Variants in TPST1 observed in about 807,000 individuals in gnomAD.
TPST1 encodes the protein protein-tyrosine sulfotransferase 1.
TPST1 carries 20 observed loss-of-function variants against 34.8 expected under a neutral mutation model. The observed-to-expected ratio is 0.57, with a 90% CI of 0.40 to 0.84. The LOEUF is 0.84. Ranked by LOEUF, TPST1 falls within the 40% of genes least tolerant of loss-of-function variation. TPST1 has a pLI of 0.00. For missense variants in TPST1, 353 were observed against 455.5 expected, an observed-to-expected ratio of 0.78 and a Z score of 2.05; for synonymous variants, 152 against 159.4, an observed-to-expected ratio of 0.95 and a Z score of 0.35.
At chr7:66,318,588 T>G (rs1283499309) in intron 3 of TPST1, among the ~76,000 whole-genome samples, 1 of 152,082 alleles carries the variant, frequency 6.6e-6, no homozygotes, top group Non-Finnish European at 1.5e-5. Flanking sequence ...TGCCTCAGCC[T>G]CCCGAGTAGC....
At chr7:66,247,242 AC>A (rs1382725698) in intron 2 of TPST1, among the ~76,000 whole-genome samples, 1 of 152,212 alleles carries the variant, frequency 6.6e-6, no homozygotes, top group Non-Finnish European at 1.5e-5. Flanking sequence ...AGCCTGACCA[AC>A]ATGGTGAAAC....
chr7:66,334,544 G>A (rs1792056229), intron 3 of TPST1, among the ~76,000 whole-genome samples: 1 of 148,810 alleles, frequency 6.7e-6, no homozygotes, highest in Non-Finnish European at 1.5e-5. Context: ...GCTGAGACAG[G>A]AGAATTGCTT....
Position 66,326,952 on chromosome 7 carries a change from A to G in TPST1, c.1045-25553A>G, listed in dbSNP as rs117998202. Among the ~76,000 whole-genome samples, 499 of 152,346 alleles carry G rather than the reference A, an allele frequency of 3.3e-3. 2 individuals are homozygous for G. Among genetic ancestry groups the G allele is most frequent in the Non-Finnish European group, 6.1e-3 (413 of 68,044 alleles). ...GAGTCTGAGATTTGCAAAGCTGCCA[A>G]AATATTTTGAAACAAATGAAAATAT... is the stretch of plus-strand genomic sequence containing the variant. On this transcript the variant is annotated intron_variant, in intron 3 of 5. Transcript: ENST00000304842.
intron 2 of TPST1, among the ~76,000 whole-genome samples, chr7:66,268,843 C>G (rs183118315): frequency 1.5e-4 from 23 of 152,228 alleles, no homozygotes; most frequent in Non-Finnish European, 2.8e-4. Flanking sequence ...CACGCGCCAC[C>G]ACGCCTAGCT....
At chr7:66,352,649 A>G in intron 4 of TPST1, 94 bp downstream of exon 4, 1 of 1,562,902 alleles carries the variant, frequency 6.4e-7, no homozygotes, top group Admixed American at 2.2e-5. Context: ...AAAAGACAGA[A>G]ACAAGAAAAC....
At chr7:66,285,195 A>G (rs1227858969) in intron 2 of TPST1, among the ~76,000 whole-genome samples, 1 of 152,206 alleles carries the variant, frequency 6.6e-6, no homozygotes, top group African/African-American at 2.4e-5. Context: ...CAATACATAT[A>G]TAACATCCTC....
chr7:66,263,434 C>T (rs185900208), intron 2 of TPST1, among the ~76,000 whole-genome samples: 5 of 152,260 alleles, frequency 3.3e-5, no homozygotes, highest in Admixed American at 2.0e-4. Flanking sequence ...ATACTAGTCT[C>T]TGTAACACAT....
intron 1 of TPST1, among the ~76,000 whole-genome samples, chr7:66,227,850 ATTTAG>A (rs542761910): frequency 7.2e-5 from 11 of 152,190 alleles, no homozygotes; most frequent in Non-Finnish European, 1.6e-4. Flanking sequence ...CTCTTCTAAA[ATTTAG>A]TTTAAGAAAA....
Position 66,205,560 on chromosome 7 carries a change from C to G in TPST1, c.-102+38C>G, listed in dbSNP as rs1789109166. 6.6e-6 allele frequency: 1 copy of G among 152,536 alleles called. No homozygotes were observed. The highest frequency in any genetic ancestry group is 1.5e-5 in the Non-Finnish European group (1 of 68,368). 9.4% of individuals were successfully genotyped at this position (152,536 alleles called of 1,614,324 possible). On this transcript the variant is annotated intron_variant, in intron 1 of 5. Transcript: ENST00000304842. This position sits in a 1 kb window ranked among gnomAD's most constrained non-coding sequence, Gnocchi z 5.0. ...CGGCGCTCGCTGCGGCTCCGCTCCCCTCTCGTCTCCTCACACCCGGCCCTG... is the reference window on the plus strand; with the variant it reads ...CGGCGCTCGCTGCGGCTCCGCTCCCGTCTCGTCTCCTCACACCCGGCCCTG...
At chr7:66,324,223 G>C (rs551919347) in intron 3 of TPST1, among the ~76,000 whole-genome samples, 5 of 152,280 alleles carry the variant, frequency 3.3e-5, no homozygotes, top group African/African-American at 1.2e-4. Flanking sequence ...ATAGAAAGTA[G>C]AATGGAGGTT....
At chr7:66,212,767 A>G (rs965353608) in intron 1 of TPST1, among the ~76,000 whole-genome samples, 7 of 151,544 alleles carry the variant, frequency 4.6e-5, no homozygotes, top group Non-Finnish European at 8.8e-5. Flanking sequence ...TGCATTTTCT[A>G]TTTTCTGATT....
intron 1 of TPST1, among the ~76,000 whole-genome samples, chr7:66,206,939 C>G (rs1385913579): frequency 1.3e-5 from 2 of 152,108 alleles, no homozygotes; most frequent in Admixed American, 1.3e-4. Flanking sequence ...TCTCCCTCCC[C>G]CTCTCCAAAC....
At chr7:66,298,498 TTACTTTTAATCTG>T (rs1023358737) in intron 3 of TPST1, among the ~76,000 whole-genome samples, 1 of 152,348 alleles carries the variant, frequency 6.6e-6, no homozygotes, top group Middle Eastern at 3.4e-3. Flanking sequence ...CCCGATTCTT[TTACTTTTAATCTG>T]TGTCTTTATA....
intron 3 of TPST1, among the ~76,000 whole-genome samples, chr7:66,331,004 G>C (rs576109830): frequency 6.6e-6 from 1 of 152,214 alleles, no homozygotes; most frequent in Non-Finnish European, 1.5e-5. Context: ...TGAAGTTGCA[G>C]TCAAGCTGTC....
chr7:66,305,220 G>A lies in TPST1; in HGVS notation c.1044+18511G>A, dbSNP rs576581053. Among the ~76,000 whole-genome samples the A allele has an allele frequency of 3.9e-5, 6 of 152,238 alleles. No homozygotes were observed. The East Asian group carries it at 1.2e-3, about 29-fold the overall frequency. ...TATATATTCATATCAAAGCAAAGAA[G>A]AATATCTGCCAAACTATTGTAGTTC... is the stretch of plus-strand genomic sequence containing the variant. On this transcript the variant is annotated intron_variant, in intron 3 of 5. Transcript: ENST00000304842.
chr7:66,203,453 T>G (rs2116167251), upstream of TPST1, among the ~76,000 whole-genome samples: 1 of 150,956 alleles, frequency 6.6e-6, no homozygotes, highest in East Asian at 2.0e-4. Context: ...AGACAGTTGC[T>G]GTAAAGATCA....
chr7:66,324,707 G>C (rs915862888), intron 3 of TPST1, among the ~76,000 whole-genome samples: 2 of 149,722 alleles, frequency 1.3e-5, no homozygotes, highest in African/African-American at 4.9e-5. Flanking sequence ...GCTGAGGAAG[G>C]AGAATTGCTT....
chr7:66,270,105 A>G (rs1790676312), intron 2 of TPST1, among the ~76,000 whole-genome samples: 1 of 152,072 alleles, frequency 6.6e-6, no homozygotes, highest in South Asian at 2.1e-4. Context: ...GAGGTGAGGG[A>G]GTTAGCCAAG....
chr7:66,316,370 CTG>C (rs1296271684), intron 3 of TPST1, among the ~76,000 whole-genome samples: 2 of 152,058 alleles, frequency 1.3e-5, no homozygotes, highest in Admixed American at 6.6e-5. Flanking sequence ...GTGAATCTTA[CTG>C]TGTGTGTGTT....
Sources: allele counts gnomAD v4.1 joint callset (sites outside exome capture counted in the v4.1 genomes callset), GRCh38; gene constraint gnomAD v4.1.1; non-coding constraint Gnocchi (gnomAD v3.1); transcripts MANE v1.5; gene names NCBI Gene and HGNC (gene_info 2026-07-23, HGNC 2026-07-21).